TMCC1: variants seen among roughly 807,000 people sequenced by gnomAD.
TMCC1 encodes the protein transmembrane and coiled-coil domains protein 1.
In TMCC1, 15 loss-of-function variants were observed where a neutral mutation model predicts 52.4. The ratio of observed to expected loss-of-function variants is 0.29; its 90% CI spans 0.19 to 0.44. The LOEUF is 0.44. Among genes scored for constraint, TMCC1 ranks in the 20% least tolerant of loss-of-function variants. The probability of loss-of-function intolerance (pLI) is 1.00; values close to 1 mark genes in which losing one functional copy is unlikely to be tolerated. For missense variants in TMCC1, 503 were observed against 806.0 expected (o/e 0.62, Z 4.55); for synonymous variants, 279 against 301.9 (o/e 0.92, Z 0.79).
intron 5 of TMCC1, among the ~76,000 whole-genome samples, chr3:129,661,965 T>C (rs1431792522): frequency 6.6e-6 from 1 of 152,206 alleles, no homozygotes; most frequent in African/African-American, 2.4e-5. Context: ...GTCTAAATTC[T>C]AAAATGGAGA....
At chr3:129,785,159 T>A (rs1166280553) in intron 4 of TMCC1, among the ~76,000 whole-genome samples, 1 of 152,152 alleles carries the variant, frequency 6.6e-6, no homozygotes, top group Non-Finnish European at 1.5e-5. Context: ...GGCTTCAAGA[T>A]GAACAAGGAT....
In TMCC1 at chr3:129,650,392, G is replaced by A. The variant is rs561318592; in HGVS notation, c.*1089C>T. ...TAAGCCAAACCCATAAAACGGGGGCGTAGGTATGTCGGGACACCAAAAAGC... is the reference window on the plus strand; with the variant it reads ...TAAGCCAAACCCATAAAACGGGGGCATAGGTATGTCGGGACACCAAAAAGC... On this transcript the variant is annotated 3_prime_UTR_variant, in exon 7 of 7. Transcript: ENST00000393238. 6.6e-6 allele frequency: 1 copy of A among 152,518 alleles called. No individual in the cohort carries two copies. Among genetic ancestry groups the A allele is most frequent in the South Asian group, 2.1e-4 (1 of 4,800 alleles). The allele number at this position is 152,518 out of a possible 1,614,324, so 9.4% of individuals were successfully genotyped here. A position where few individuals can be genotyped will look rare whatever the true frequency, so the allele number is the denominator to read the frequency against.
Position 129,654,998 on chromosome 3 carries a change from A to C in TMCC1, c.1617T>G (p.Tyr539Ter). ...ELASMEEKIA[Y>*]QSYERARDIQ... ...TGTCCCGGGCCCGTTCATAGGACTGATACGCGATTTTTTCTTCCATGCTTG... is the reference window on the plus strand; with the variant it reads ...TGTCCCGGGCCCGTTCATAGGACTGCTACGCGATTTTTTCTTCCATGCTTG... Residue 539 changes from tyrosine to a stop codon, truncating the protein, a stop_gained, in exon 6 of 7, where the codon TAT becomes TAG. Transcript: ENST00000393238. LOFTEE classifies it high-confidence loss of function. 1 of 1,613,828 alleles carries C rather than the reference A, an allele frequency of 6.2e-7. No homozygotes were observed. The highest frequency in any genetic ancestry group is 8.5e-7 in the Non-Finnish European group (1 of 1,179,968).
chr3:129,826,571 A>C (rs1182138893), intron 4 of TMCC1, among the ~76,000 whole-genome samples: 1 of 152,072 alleles, frequency 6.6e-6, no homozygotes, highest in African/African-American at 2.4e-5. Flanking sequence ...AATTTTTTGA[A>C]TTTTAATTCA....
chr3:129,699,909 C>A (rs2108969361), intron 4 of TMCC1, among the ~76,000 whole-genome samples: 1 of 152,266 alleles, frequency 6.6e-6, no homozygotes, highest in East Asian at 1.9e-4. Flanking sequence ...GAGTGAAATC[C>A]TGTCCCTAAA....
chr3:129,697,808 G>A lies in TMCC1; in HGVS notation c.577-26544C>T, dbSNP rs61183742. 4.9e-3 allele frequency among the ~76,000 whole-genome samples: 744 copies of A among 152,194 alleles called. 9 individuals carry two copies. Among genetic ancestry groups the A allele is most frequent in the African/African-American group, 0.017 (703 of 41,524 alleles). On this transcript the variant is annotated intron_variant, in intron 4 of 6. Transcript: ENST00000393238. ...CATAACAAGAGTCACCTTTGCTCTC[G>A]TTGTCAACAAGTTCCTCATCTTCAT... is the stretch of plus-strand genomic sequence containing the variant.
At chr3:129,775,449 A>AG (rs1421793531) in intron 4 of TMCC1, among the ~76,000 whole-genome samples, 13 of 152,148 alleles carry the variant, frequency 8.5e-5, no homozygotes, top group Non-Finnish European at 1.9e-4. Context: ...CCTGGGTGAC[A>AG]GGGCAAGACC....
At chr3:129,869,563 A>G (rs991563010) in intron 2 of TMCC1, among the ~76,000 whole-genome samples, 19 of 152,128 alleles carry the variant, frequency 1.2e-4, no homozygotes, top group African/African-American at 4.6e-4. Flanking sequence ...TCTGACACTA[A>G]CTCCAGGTAG....
chr3:129,865,397 T>C (rs1293028753), intron 2 of TMCC1, among the ~76,000 whole-genome samples: 1 of 151,938 alleles, frequency 6.6e-6, no homozygotes, highest in East Asian at 1.9e-4. Context: ...GTGACCCACC[T>C]GCCTCAGACT....
At chr3:129,724,888 T>C in intron 4 of TMCC1, among the ~76,000 whole-genome samples, 1 of 152,286 alleles carries the variant, frequency 6.6e-6, no homozygotes, top group Admixed American at 6.5e-5. Flanking sequence ...AATGGGAAGG[T>C]AAATCTATAA....
chr3:129,688,281 A>C lies in TMCC1; in HGVS notation c.577-17017T>G, dbSNP rs777169230. On this transcript the variant is annotated intron_variant, in intron 4 of 6. Transcript: ENST00000393238. The stretch of plus-strand genomic sequence containing the variant: ...TGGATGGTAAAAAAAAAAAAATCAC[A>C]ACCTCTCTTGGCTATAAGCTCTTTC... 1.2e-4 allele frequency: 123 copies of C among 985,256 alleles called. 1 individual carries two copies. The highest frequency in any genetic ancestry group is 1.5e-4 in the Non-Finnish European group (121 of 829,934). The allele number at this position is 985,256 out of a possible 1,614,324, so 61.0% of individuals were successfully genotyped here.
intron 2 of TMCC1, among the ~76,000 whole-genome samples, chr3:129,861,756 C>T (rs536068148): frequency 6.6e-6 from 1 of 152,282 alleles, no homozygotes; most frequent in South Asian, 2.1e-4. Context: ...TCATACACTG[C>T]TGGTGGGAAT....
intron 5 of TMCC1, among the ~76,000 whole-genome samples, chr3:129,660,215 G>T (rs554648224): frequency 1.3e-5 from 2 of 152,066 alleles, no homozygotes; most frequent in African/African-American, 4.8e-5. Flanking sequence ...TGGCGTGATC[G>T]TGGCTCATTG....
At chr3:129,690,719 T>C (rs2046972323) in intron 4 of TMCC1, among the ~76,000 whole-genome samples, 1 of 152,228 alleles carries the variant, frequency 6.6e-6, no homozygotes, top group Non-Finnish European at 1.5e-5. Flanking sequence ...TCAAATCTGC[T>C]TTGATTGGAT....
At chr3:129,653,217 T>G (rs1414775208) in intron 6 of TMCC1, among the ~76,000 whole-genome samples, 1 of 152,174 alleles carries the variant, frequency 6.6e-6, no homozygotes, top group East Asian at 1.9e-4. Context: ...CCCTTGGGGA[T>G]TTTTAGGTTG....
intron 4 of TMCC1, among the ~76,000 whole-genome samples, chr3:129,722,208 C>T (rs552295960): frequency 2.6e-5 from 4 of 152,248 alleles, no homozygotes; most frequent in South Asian, 2.1e-4. Context: ...GAGCAGCAAG[C>T]GAGTATTACC....
At chr3:129,755,351 T>C (rs903187076) in intron 4 of TMCC1, among the ~76,000 whole-genome samples, 7 of 152,042 alleles carry the variant, frequency 4.6e-5, no homozygotes, top group Non-Finnish European at 7.4e-5. Context: ...AAATAAAAGT[T>C]GAAATTATTT....
Position 129,828,571 on chromosome 3 carries a change from G to GA in TMCC1, c.-130-64dup, listed in dbSNP as rs1256428550. ...AAACCTTATATTATAAATCCATGCA[G>GA]AAACTCCAGTGTTAAAACAAAGAAA... On this transcript the variant is annotated intron_variant, in intron 3 of 6. Coordinates refer to ENST00000393238, the MANE Select transcript of TMCC1 (RefSeq NM_001017395.5). This position sits in a 1 kb window ranked among gnomAD's most constrained non-coding sequence, Gnocchi z 4.1. 7 of 540,898 alleles carry GA rather than the reference G, an allele frequency of 1.3e-5. No homozygotes were observed. The highest frequency in any genetic ancestry group is 4.9e-4 in the Middle Eastern group (1 of 2,044). 33.5% of individuals were successfully genotyped at this position (540,898 alleles called of 1,614,324 possible). A position where few individuals can be genotyped will look rare whatever the true frequency, so the allele number is the denominator to read the frequency against.
intron 4 of TMCC1, among the ~76,000 whole-genome samples, chr3:129,734,300 TAAAG>T (rs1462843475): frequency 6.6e-6 from 1 of 152,026 alleles, no homozygotes; most frequent in African/African-American, 2.4e-5. Context: ...GTGAAAAGAG[TAAAG>T]AAATTTTGCG....
Sources: gnomAD v4.1 joint callset for allele counts (sites outside exome capture counted in the v4.1 genomes callset) on GRCh38, gnomAD v4.1.1 for gene constraint, Gnocchi (gnomAD v3.1) non-coding constraint, MANE v1.5 for transcripts, NCBI Gene and HGNC (gene_info 2026-07-23, HGNC 2026-07-21) for gene names.